Variants in DHX29 observed in about 807,000 individuals in gnomAD.
The protein encoded by DHX29 is ATP-dependent RNA helicase DHX29.
In DHX29, 79 loss-of-function variants were observed where a neutral mutation model predicts 167.9. That is an observed-to-expected ratio of 0.47 (90% CI 0.39 to 0.57). DHX29 has a LOEUF of 0.57. DHX29 is among the 20% of genes least tolerant of loss of function. DHX29 has a pLI of 0.00. For missense variants in DHX29, 1,347 were observed against 1,593.4 expected (o/e 0.85, Z 2.63); for synonymous variants, 530 against 546.0 (o/e 0.97, Z 0.41).
intron 1 of DHX29, among the ~76,000 whole-genome samples, chr5:55,302,119 T>C (rs1579825093): frequency 6.6e-6 from 1 of 152,336 alleles, no homozygotes; most frequent in Admixed American, 6.5e-5. Context: ...CCTTATCGTC[T>C]AGTCTCAAAC....
At chr5:55,269,678 G>C (rs768455215) in intron 20 of DHX29, 41 bp from the exon 21 acceptor site, 1 of 1,498,362 alleles carries the variant, frequency 6.7e-7, no homozygotes, top group South Asian at 1.2e-5. Flanking sequence ...TGAAATCAAA[G>C]AATGAACACT....
At chr5:55,282,518 C>T (rs900498583) in intron 11 of DHX29, among the ~76,000 whole-genome samples, 1 of 152,002 alleles carries the variant, frequency 6.6e-6, no homozygotes, top group African/African-American at 2.4e-5. Context: ...TGAAGGGGTA[C>T]CCAGTTTAGA....
At chr5:55,266,510 T>C (rs1746581210) in intron 23 of DHX29, among the ~76,000 whole-genome samples, 1 of 151,786 alleles carries the variant, frequency 6.6e-6, no homozygotes, top group African/African-American at 2.4e-5. Context: ...GGTTTCTCCA[T>C]GTTGGTCAGG....
intron 23 of DHX29, among the ~76,000 whole-genome samples, chr5:55,263,730 G>C (rs1746420034): frequency 1.4e-5 from 2 of 146,354 alleles, no homozygotes; most frequent in Non-Finnish European, 3.0e-5. Flanking sequence ...CTAAATTGAA[G>C]AAATAGCCCC....
At chr5:55,300,721 T>C (rs1271586354) in intron 1 of DHX29, among the ~76,000 whole-genome samples, 1 of 152,154 alleles carries the variant, frequency 6.6e-6, no homozygotes, top group African/African-American at 2.4e-5. Context: ...ACCTGTTCCA[T>C]TAATATAAAT....
At position 55,276,387 on chromosome 5, in the gene DHX29, A is replaced by G. The variant is rs749184184; in HGVS notation, c.2306T>C (p.Ile769Thr). The G allele has an allele frequency of 3.8e-6, 6 of 1,591,440 alleles. No homozygotes were observed. The highest frequency in any genetic ancestry group is 5.1e-6 in the Non-Finnish European group (6 of 1,173,360). The change falls in exon 14 of 27, where the codon ATA (isoleucine) becomes ACA (threonine). Residue 769 changes from isoleucine (I) to threonine (T), a missense_variant. By Grantham distance (89) the Ile-to-Thr change is moderately conservative (BLOSUM62 -1). Coordinates refer to ENST00000251636, the MANE Select transcript of DHX29 (RefSeq NM_019030.4). ...CAGTACAAAGCCTGTTTCTTCTATT[A>G]TATCTTCAAGATGAAAAACCTGCAT... ...YPVEVFHLED[I>T]IEETGFVLEK...
Position 55,290,272 on chromosome 5 carries a change from T to C in DHX29, c.853A>G (p.Lys285Glu). ...GCCTCTTTTTGGCCTTGCTTGTTTT[T>C]TTCTAGTTTAAAGGTAGCTGCTTGT... ...KEQAATFKLE[K>E]NKQGQKEAQE... The change falls in exon 7 of 27, where the codon AAA becomes GAA. Residue 285 changes from lysine to glutamate, a missense_variant. This residue lies in a region of DHX29 where 405 missense variants were observed against 416.8 expected (regional missense o/e 0.97). Coordinates refer to ENST00000251636, the MANE Select transcript of DHX29 (RefSeq NM_019030.4). 1 of 1,612,588 alleles carries C rather than the reference T, an allele frequency of 6.2e-7. No individual in the cohort carries two copies. The highest frequency in any genetic ancestry group is 8.5e-7 in the Non-Finnish European group (1 of 1,179,856).
In DHX29 at chr5:55,290,253, T is replaced by G. The variant is rs1747971211; in HGVS notation, c.872A>C (p.Lys291Thr). 1 of 1,611,420 alleles carries G rather than the reference T, an allele frequency of 6.2e-7. No homozygotes were observed. Residue 291 changes from lysine to threonine, a missense_variant, in exon 7 of 27, where the codon AAA (lysine) becomes ACA (threonine). Lys to Thr is a moderately conservative substitution (Grantham distance 78). This residue lies in a region of DHX29 where 405 missense variants were observed against 416.8 expected (regional missense o/e 0.97). Transcript: ENST00000251636. ...FKLEKNKQGQ[K>T]EAQEKIRKFQ... Reference sequence around the variant, plus strand: ...TTTCCTTATTTTTTCCTGAGCCTCTTTTTGGCCTTGCTTGTTTTTTTCTAG... The same window carrying G: ...TTTCCTTATTTTTTCCTGAGCCTCTGTTTGGCCTTGCTTGTTTTTTTCTAG...
intron 1 of DHX29, among the ~76,000 whole-genome samples, chr5:55,301,661 C>T (rs900362437): frequency 1.4e-5 from 2 of 142,328 alleles, no homozygotes; most frequent in East Asian, 2.1e-4. Flanking sequence ...TGCAGTGAGC[C>T]GAGATTTCGC....
rs770896043 is a variant in DHX29, at chr5:55,294,084, T to A, written c.713A>T (p.Glu238Val). ...NMKEWILRYA[E>V]QQNEEEKNEN... The stretch of plus-strand genomic sequence containing the variant: ...ATTCTTTTCTTCTTCATTTTGTTGT[T>A]CAGCATATCGTAAAATCCACTCTTT... The change falls in exon 6 of 27, where the codon GAA becomes GTA. Residue 238 changes from glutamate (E) to valine (V), a missense_variant. Around this residue, in one of 3 missense-constraint regions of DHX29, gnomAD observed 405 missense variants for 416.8 expected, o/e 0.97. Coordinates refer to ENST00000251636, the MANE Select transcript of DHX29 (RefSeq NM_019030.4). The A allele has an allele frequency of 1.2e-6, 2 of 1,608,162 alleles. No individual in the cohort carries two copies. The highest frequency in any genetic ancestry group is 2.2e-5 in the South Asian group (2 of 90,390).
At chr5:55,282,962 TTAATA>T (rs1261746831) in intron 11 of DHX29, 12 of 323,226 alleles carry the variant, frequency 3.7e-5, no homozygotes, top group Non-Finnish European at 5.6e-5. Flanking sequence ...ATTATTATAG[TTAATA>T]TATTTTTTCT....
chr5:55,306,064 GA>G (rs1748842276), intron 1 of DHX29, among the ~76,000 whole-genome samples: 1 of 152,152 alleles, frequency 6.6e-6, no homozygotes, highest in Non-Finnish European at 1.5e-5. Context: ...AAGTAAAAAA[GA>G]GGCTGATCCA....
chr5:55,269,630 T>C lies in DHX29; in HGVS notation c.3077A>G (p.Asn1026Ser), dbSNP rs772488519. 6.2e-7 allele frequency: 1 copy of C among 1,612,666 alleles called. No homozygotes were observed. The highest frequency in any genetic ancestry group is 8.5e-7 in the Non-Finnish European group (1 of 1,178,848). Residue 1026 changes from asparagine to serine, a missense_variant, in exon 21 of 27, where the codon AAT becomes AGT. Physicochemically the swap from Asn to Ser is conservative, Grantham distance 46. Coordinates refer to ENST00000251636, the MANE Select transcript of DHX29 (RefSeq NM_019030.4). ...GAGGAAATCTTCAGGAGAACCAAGA[T>C]TACATTTCTGCAGATTAAAAAAGCA... ...EELCLHIMKC[N>S]LGSPEDFLSK...
At chr5:55,272,897 C>CA (rs773737774) in intron 17 of DHX29, among the ~76,000 whole-genome samples, 1 of 152,098 alleles carries the variant, frequency 6.6e-6, no homozygotes, top group Non-Finnish European at 1.5e-5. Flanking sequence ...GTGACCTACC[C>CA]AATGGTTTAT....
intron 1 of DHX29, among the ~76,000 whole-genome samples, chr5:55,305,468 A>G (rs1748813015): frequency 6.6e-6 from 1 of 152,240 alleles, no homozygotes; most frequent in Non-Finnish European, 1.5e-5. Context: ...TTTAGAAGCT[A>G]GCTAAATGAT....
At chr5:55,303,888 A>C (rs1286107695) in intron 1 of DHX29, among the ~76,000 whole-genome samples, 2 of 151,982 alleles carry the variant, frequency 1.3e-5, no homozygotes, top group African/African-American at 2.4e-5. Context: ...AGTGACCCTA[A>C]AAAAAAATTT....
chr5:55,279,794 C>T (rs1747310134), intron 12 of DHX29: 1 of 149,248 alleles, frequency 6.7e-6, no homozygotes, highest in Admixed American at 6.7e-5. Flanking sequence ...TGGTCTCAAA[C>T]TCCTGGGCTC....
At position 55,283,569 on chromosome 5, in the gene DHX29, A is replaced by G; in HGVS notation, c.1599T>C (p.Phe533=). 6.2e-7 allele frequency: 1 copy of G among 1,614,220 alleles called. No individual in the cohort carries two copies. Residue 533 remains phenylalanine, a synonymous_variant, in exon 11 of 27, where the codon TTT becomes TTC. Transcript: ENST00000251636. ...TTGCTGATTCCAAGGACAGTGCAGA[A>G]AAATCCTCATCCGAAACTAAATTTT... The part of the protein sequence containing the change: ...SWENLVSDED[F]SALSLESANV...
At chr5:55,263,812 AG>A (rs1280665671) in intron 23 of DHX29, among the ~76,000 whole-genome samples, 3 of 148,040 alleles carry the variant, frequency 2.0e-5, no homozygotes, top group African/African-American at 7.4e-5. Flanking sequence ...TCTTCAATTT[AG>A]CCCTTCATGT....
Sources: allele counts gnomAD v4.1 joint callset (sites outside exome capture counted in the v4.1 genomes callset), GRCh38; gene constraint gnomAD v4.1.1; regional missense constraint gnomAD v4.1.1; transcripts MANE v1.5; gene names NCBI Gene and HGNC (gene_info 2026-07-23, HGNC 2026-07-21).